PHAF1: variants seen among roughly 807,000 people sequenced by gnomAD.
PHAF1 encodes the protein phagosome assembly factor 1.
PHAF1 carries 23 observed loss-of-function variants against 63.1 expected under a neutral mutation model. The observed-to-expected ratio is 0.36, with a 90% CI of 0.26 to 0.52. The LOEUF is 0.52. Among genes scored for constraint, PHAF1 ranks in the 20% least tolerant of loss-of-function variants. The pLI is 0.93. For missense variants in PHAF1, 427 were observed against 517.2 expected, an observed-to-expected ratio of 0.83 and a Z score of 1.69; for synonymous variants, 167 against 185.0, an observed-to-expected ratio of 0.90 and a Z score of 0.79.
chr16:67,114,487 TG>T (rs1403216514), intron 1 of PHAF1, among the ~76,000 whole-genome samples: 3 of 151,100 alleles, frequency 2.0e-5, no homozygotes, highest in African/African-American at 7.3e-5. Context: ...AGAAGGGACT[TG>T]ACCTGACCTA....
chr16:67,127,005 C>CCT (rs971405947), intron 3 of PHAF1, among the ~76,000 whole-genome samples: 4 of 151,808 alleles, frequency 2.6e-5, no homozygotes, highest in Non-Finnish European at 5.9e-5. Flanking sequence ...TCTCCTGCCT[C>CCT]AGCCTCCTCA....
chr16:67,118,884 C>T (rs1225260370), intron 1 of PHAF1, among the ~76,000 whole-genome samples: 1 of 149,798 alleles, frequency 6.7e-6, no homozygotes, highest in Non-Finnish European at 1.5e-5. Context: ...AAGCAATCCT[C>T]TCACCTTAGC....
intron 14 of PHAF1, among the ~76,000 whole-genome samples, 196 bp from the exon 15 acceptor site, chr16:67,146,082 C>T (rs552944744): frequency 1.3e-5 from 2 of 152,110 alleles, no homozygotes; most frequent in Admixed American, 6.5e-5. Context: ...TCCTGTTGGG[C>T]TCTGTATGTA....
rs77081283 is a variant in PHAF1 at position 67,140,458 on chromosome 16, C to T, written c.796-53C>T. On this transcript the variant is annotated intron_variant, in intron 9 of 15. Coordinates refer to ENST00000219139, the MANE Select transcript of PHAF1 (RefSeq NM_025187.5). The stretch of plus-strand genomic sequence containing the variant: ...ACAATTTGTAGACTTTCAGTTAATC[C>T]AGAACTATATTAGAGGGATGGATTT... 4.1e-3 allele frequency: 5,660 copies of T among 1,383,890 alleles called. 186 individuals carry two copies. The African/African-American group carries it at 0.07, about 17-fold the overall frequency. 85.7% of individuals were successfully genotyped at this position (1,383,890 alleles called of 1,614,324 possible).
chr16:67,134,957 C>G (rs772462041), intron 8 of PHAF1: 9 of 329,524 alleles, frequency 2.7e-5, no homozygotes, highest in South Asian at 2.2e-4. Context: ...ATGGTTAAAG[C>G]TTTTGTTTAG....
chr16:67,125,848 AC>A, intron 2 of PHAF1, 110 bp from the exon 3 acceptor site: 2 of 763,850 alleles, frequency 2.6e-6, no homozygotes, highest in Non-Finnish European at 4.4e-6. Flanking sequence ...GGAGAGAGGG[AC>A]TGTCTGCACT....
intron 2 of PHAF1, among the ~76,000 whole-genome samples, chr16:67,122,329 T>C (rs576253205): frequency 5.0e-4 from 76 of 152,326 alleles, no homozygotes; most frequent in African/African-American, 1.8e-3. Flanking sequence ...AATATGGGTT[T>C]GACCAGGCAC....
intron 5 of PHAF1, 131 bp from the exon 6 acceptor site, chr16:67,132,686 C>T: frequency 8.5e-7 from 1 of 1,174,544 alleles, no homozygotes; most frequent in Middle Eastern, 1.9e-4. Context: ...TTGTTTTCAA[C>T]CTAGTAGGCC....
chr16:67,122,334 A>G (rs756439785), intron 2 of PHAF1, among the ~76,000 whole-genome samples: 2 of 152,180 alleles, frequency 1.3e-5, no homozygotes, highest in Non-Finnish European at 2.9e-5. Flanking sequence ...GGGTTTGACC[A>G]GGCACTGTGG....
chr16:67,127,466 C>T lies in PHAF1; in HGVS notation c.231+1424C>T, dbSNP rs574640864. On this transcript the variant is annotated intron_variant, in intron 3 of 15. Transcript: ENST00000219139. ...TGTCTCCATGGCCAGAAGTTCCACA[C>T]TGGGAAAGGGCAGAGGATGATCTTC... Among the ~76,000 whole-genome samples the T allele has an allele frequency of 1.9e-4, 29 of 152,288 alleles. No individual in the cohort carries two copies. In the South Asian group the frequency reaches 5.0e-3, roughly 26 times the overall value.
Position 67,147,314 on chromosome 16 carries a change from C to T in PHAF1, c.*183C>T, listed in dbSNP as rs1260539099. 1.7e-6 allele frequency: 1 copy of T among 581,550 alleles called. No homozygotes were observed. The highest frequency in any genetic ancestry group is 3.0e-6 in the Non-Finnish European group (1 of 330,322). 36.0% of individuals were successfully genotyped at this position (581,550 alleles called of 1,614,324 possible). ...TGGGCTGAGTGGCCCAGATATTCTT[C>T]TGTCCATCTTTGGCCTGCTGGTGCC... On this transcript the variant is annotated 3_prime_UTR_variant, in exon 16 of 16. Transcript: ENST00000219139.
chr16:67,127,620 C>A (rs1238218465), intron 3 of PHAF1, among the ~76,000 whole-genome samples: 1 of 152,074 alleles, frequency 6.6e-6, no homozygotes, highest in Non-Finnish European at 1.5e-5. Flanking sequence ...CACGGTGAAA[C>A]CCCGTCTCTA....
chr16:67,145,022 G>C (rs1019957192), intron 12 of PHAF1, 145 bp downstream of exon 12: 6 of 1,051,936 alleles, frequency 5.7e-6, no homozygotes, highest in African/African-American at 3.2e-5. Context: ...CATTGTTCTG[G>C]GGGCTGCAGT....
intron 1 of PHAF1, among the ~76,000 whole-genome samples, chr16:67,112,570 T>C (rs1962562370): frequency 6.6e-6 from 1 of 151,400 alleles, no homozygotes; most frequent in African/African-American, 2.4e-5. Context: ...TACTAGGATA[T>C]TAATTGAGAT....
At chr16:67,122,072 T>C (rs960711064) in intron 2 of PHAF1, among the ~76,000 whole-genome samples, 5 of 151,556 alleles carry the variant, frequency 3.3e-5, no homozygotes, top group Admixed American at 1.3e-4. Flanking sequence ...TAATTTATTT[T>C]TATATTTTGT....
At chr16:67,116,134 T>C (rs543967878) in intron 1 of PHAF1, among the ~76,000 whole-genome samples, 3 of 152,354 alleles carry the variant, frequency 2.0e-5, no homozygotes, top group Admixed American at 2.0e-4. Context: ...ACAGCATAGA[T>C]GTTCCTCCAT....
intron 1 of PHAF1, among the ~76,000 whole-genome samples, chr16:67,117,714 C>T (rs1194390668): frequency 6.7e-6 from 1 of 150,346 alleles, no homozygotes; most frequent in East Asian, 2.0e-4. Flanking sequence ...GAGCGGAAAT[C>T]GCACCATTGC....
chr16:67,122,165 G>A (rs1270804591), intron 2 of PHAF1, among the ~76,000 whole-genome samples: 1 of 151,984 alleles, frequency 6.6e-6, no homozygotes, highest in African/African-American at 2.4e-5. Flanking sequence ...CTCCCAAAGT[G>A]CTGGGATTAC....
chr16:67,112,637 T>C (rs1318983345), intron 1 of PHAF1, among the ~76,000 whole-genome samples: 3 of 152,176 alleles, frequency 2.0e-5, no homozygotes, highest in Non-Finnish European at 2.9e-5. Context: ...GTTGTTTTGA[T>C]ACCCTAACCC....
Sources: allele counts gnomAD v4.1 joint callset (sites outside exome capture counted in the v4.1 genomes callset), GRCh38; gene constraint gnomAD v4.1.1; transcripts MANE v1.5; gene names NCBI Gene and HGNC (gene_info 2026-07-23, HGNC 2026-07-21).